MSH6: variants seen among roughly 807,000 people sequenced by gnomAD.
MSH6 encodes mutS homolog 6.
A neutral mutation model predicts 119.1 loss-of-function variants in MSH6; 85 were observed. The observed-to-expected ratio is 0.71, with a 90% CI of 0.60 to 0.85. The LOEUF is 0.85. MSH6 is among the 40% of genes least tolerant of loss of function. MSH6 has a pLI of 0.00. For missense variants in MSH6, 2,163 were observed against 1,655.3 expected, an observed-to-expected ratio of 1.31 and a Z score of -5.32; for synonymous variants, 830 against 586.9, an observed-to-expected ratio of 1.41 and a Z score of -5.99.
rs863224335 is a variant in MSH6 at position 47,806,839 on chromosome 2, G to A, written c.4062G>A (p.Leu1354=). 1 of 1,611,154 alleles carries A rather than the reference G, an allele frequency of 6.2e-7. No individual in the cohort carries two copies. Among genetic ancestry groups the A allele is most frequent in the Non-Finnish European group, 8.5e-7 (1 of 1,178,908 alleles). Residue 1354 remains leucine (L), a synonymous_variant, in exon 10 of 10, where the codon CTG becomes CTA. Transcript: ENST00000234420. The part of the protein sequence containing the change: ...TVDAEAVHKL[L]TLIKEL The stretch of plus-strand genomic sequence containing the variant: ...ATGCTGAAGCTGTCCATAAATTGCT[G>A]ACTTTGATTAAGGAATTATAGACTG...
intron 2 of MSH6, 24 bp from the exon 3 acceptor site, chr2:47,795,870 G>A (rs1229861873): frequency 2.5e-6 from 4 of 1,610,308 alleles, no homozygotes; most frequent in Non-Finnish European, 3.4e-6. Context: ...GGCCCTTATT[G>A]TTTATAAATA....
intron 2 of MSH6, among the ~76,000 whole-genome samples, chr2:47,794,340 T>C (rs1380375533): frequency 6.6e-6 from 1 of 152,032 alleles, no homozygotes; most frequent in Non-Finnish European, 1.5e-5. Flanking sequence ...GGTGCAGTCT[T>C]GGCTCACTGC....
Position 47,798,631 on chromosome 2 carries a change from A to G in MSH6, c.648A>G (p.Thr216=). ...GGCAGGTAGGCACAACTTACGTAAC[A>G]GATAAGAGTGAAGAAGATAATGAAA... ...EEMEVGTTYV[T]DKSEEDNEIE... Residue 216 remains threonine (T), a synonymous_variant, in exon 4 of 10, where the codon ACA becomes ACG. Coordinates refer to ENST00000234420, the MANE Select transcript of MSH6 (RefSeq NM_000179.3). 1 of 1,611,626 alleles carries G rather than the reference A, an allele frequency of 6.2e-7. No homozygotes were observed. The highest frequency in any genetic ancestry group is 8.5e-7 in the Non-Finnish European group (1 of 1,179,966).
Position 47,806,933 on chromosome 2 carries a change from A to G in MSH6, c.*73A>G. The stretch of plus-strand genomic sequence containing the variant: ...ATTCAGACAACATTATGATCTAATA[A>G]ACTTTATTTTTTAAAAATGACCATT... On this transcript the variant is annotated 3_prime_UTR_variant, in exon 10 of 10. Transcript: ENST00000234420. The G allele has an allele frequency of 8.7e-7, 1 of 1,146,424 alleles. No homozygotes were observed. The highest frequency in any genetic ancestry group is 1.3e-6 in the Non-Finnish European group (1 of 770,626). The allele number at this position is 1,146,424 out of a possible 1,614,324, so 71.0% of individuals were successfully genotyped here. A position where few individuals can be genotyped will look rare whatever the true frequency, so the allele number is the denominator to read the frequency against.
Position 47,806,609 on chromosome 2 carries a change from C to T in MSH6, c.3959C>T (p.Ala1320Val), listed in dbSNP as rs1670139654. ...GTTATTCAAAAGGGACATAGAAAAG[C>T]AAGAGAATTTGAGAAGATGAATCAG... Reference protein sequence around the residue: ...EEVIQKGHRKAREFEKMNQSL... With the variant: ...EEVIQKGHRKVREFEKMNQSL... Residue 1320 changes from alanine (A) to valine (V), a missense_variant, in exon 9 of 10, where the codon GCA becomes GTA. Transcript: ENST00000234420. 6.2e-7 allele frequency: 1 copy of T among 1,612,606 alleles called. No individual in the cohort carries two copies. The highest frequency in any genetic ancestry group is 8.5e-7 in the Non-Finnish European group (1 of 1,179,716).
intron 3 of MSH6, among the ~76,000 whole-genome samples, chr2:47,796,720 G>C (rs955858284): frequency 1.2e-4 from 18 of 152,216 alleles, no homozygotes; most frequent in Non-Finnish European, 1.5e-5. Flanking sequence ...CAGCACTTTA[G>C]GAAGCTGAGG....
chr2:47,797,195 G>A (rs928826736), intron 3 of MSH6, among the ~76,000 whole-genome samples: 7 of 152,156 alleles, frequency 4.6e-5, no homozygotes, highest in Non-Finnish European at 1.0e-4. Context: ...GTGTGGCCCA[G>A]GGAAGCTGAA....
Position 47,799,762 on chromosome 2 carries a change from A to T in MSH6, c.1779A>T (p.Gln593His), listed in dbSNP as rs1364713701. 1 of 1,614,244 alleles carries T rather than the reference A, an allele frequency of 6.2e-7. No homozygotes were observed. The highest frequency in any genetic ancestry group is 2.2e-5 in the East Asian group (1 of 44,886). Residue 593 changes from glutamine (Q) to histidine (H), a missense_variant, in exon 4 of 10, where the codon CAA becomes CAT. Gln to His is a conservative substitution (Grantham distance 24). Coordinates refer to ENST00000234420, the MANE Select transcript of MSH6 (RefSeq NM_000179.3). ...RTLVAHYPPV[Q>H]VLFEKGNLSK... ...TAGTGGCACACTATCCCCCAGTACA[A>T]GTTTTATTTGAAAAAGGAAATCTCT...
intron 5 of MSH6, among the ~76,000 whole-genome samples, 173 bp downstream of exon 5, chr2:47,803,858 C>T (rs1033797676): frequency 6.6e-6 from 1 of 152,170 alleles, no homozygotes; most frequent in Non-Finnish European, 1.5e-5. Flanking sequence ...TTAGCTGAAA[C>T]ATCGATGCTT....
chr2:47,791,567 C>A (rs1003609518), intron 2 of MSH6, among the ~76,000 whole-genome samples: 1 of 152,132 alleles, frequency 6.6e-6, no homozygotes, highest in South Asian at 2.1e-4. Context: ...CCATAACTTT[C>A]TTTTCCCAGA....
rs746624223 is a variant in MSH6, at chr2:47,783,334, C to T, written c.101C>T (p.Ala34Val). ...SARASREGGR[A>V]AAAPGASPSP... is the part of the protein sequence containing the mutation. ...AGGGCCTCACGCGAAGGCGGCCGTG[C>T]CGCCGCTGCCCCCGGGGCCTCTCCT... The change falls in exon 1 of 10, where the codon GCC (alanine) becomes GTC (valine). Residue 34 changes from alanine (A) to valine (V), a missense_variant. By Grantham distance (64) the Ala-to-Val change is moderately conservative. Transcript: ENST00000234420. 1 of 1,610,418 alleles carries T rather than the reference C, an allele frequency of 6.2e-7. No homozygotes were observed. The highest frequency in any genetic ancestry group is 8.5e-7 in the Non-Finnish European group (1 of 1,178,742).
chr2:47,805,799 T>TAAAC, intron 7 of MSH6, 92 bp downstream of exon 7: 3 of 969,748 alleles, frequency 3.1e-6, no homozygotes, highest in South Asian at 2.6e-5. Context: ...GAAGTACATT[T>TAAAC]AAACAATATG....
chr2:47,791,175 TGA>T (rs374618432), intron 2 of MSH6, 52 bp downstream of exon 2: 7 of 1,369,612 alleles, frequency 5.1e-6, no homozygotes, highest in East Asian at 2.3e-5. Flanking sequence ...TGTGTGTGTG[TGA>T]GAGAAACAGA....
intron 1 of MSH6, among the ~76,000 whole-genome samples, chr2:47,790,331 C>T (rs1447074465): frequency 6.6e-6 from 1 of 152,098 alleles, no homozygotes; most frequent in Non-Finnish European, 1.5e-5. Flanking sequence ...GGCTGAGACA[C>T]AAGAATCGCT....
chr2:47,797,879 G>T, intron 3 of MSH6: 1 of 233,528 alleles, frequency 4.3e-6, no homozygotes, highest in Non-Finnish European at 8.9e-6. Flanking sequence ...TCTCTTAATA[G>T]CTAGCATTCC....
rs1491155839 is a variant in MSH6 at position 47,788,906 on chromosome 2, C to CTTTTTTTTTTTT, written c.261-2021_261-2020insTTTTTTTTTTTT. Among the ~76,000 whole-genome samples the CTTTTTTTTTTTT allele has an allele frequency of 8.7e-3, 137 of 15,814 alleles. 20 individuals carry two copies. The highest frequency in any genetic ancestry group is 0.014 in the South Asian group (7 of 486). The allele number at this position is 15,814 out of a possible 152,430, so 10.4% of individuals were successfully genotyped here. A position where few individuals can be genotyped will look rare whatever the true frequency, so the allele number is the denominator to read the frequency against. Reference sequence around the variant, plus strand: ...GCTATTTCTTTCTTTCTTTCTTCTTCCTTTTTTTTTTTTTTGTTTTTTTTT... The same window carrying CTTTTTTTTTTTT: ...GCTATTTCTTTCTTTCTTTCTTCTTCTTTTTTTTTTTTCTTTTTTTTTTTTTTGTTTTTTTTT... On this transcript the variant is annotated intron_variant, in intron 1 of 9. Coordinates refer to ENST00000234420, the MANE Select transcript of MSH6 (RefSeq NM_000179.3).
chr2:47,801,032 A>G lies in MSH6; in HGVS notation c.3049A>G (p.Asn1017Asp), dbSNP rs1060502943. 6.3e-7 allele frequency: 1 copy of G among 1,584,100 alleles called. No individual in the cohort carries two copies. Among genetic ancestry groups the G allele is most frequent in the African/African-American group, 1.4e-5 (1 of 73,696 alleles). The change falls in exon 4 of 10, where the codon AAT becomes GAT. Residue 1017 changes from asparagine (N) to aspartate (D), a missense_variant. Coordinates refer to ENST00000234420, the MANE Select transcript of MSH6 (RefSeq NM_000179.3). ...WTKTIEKKLA[N>D]LINAEERRDV... is the part of the protein sequence containing the mutation. ...CAAAACTATTGAAAAGAAGTTGGCT[A>G]ATCTCATAAATGCTGAAGAACGGAG...
downstream of MSH6, chr2:47,808,100 T>A (rs751591266): frequency 4.4e-6 from 7 of 1,593,154 alleles, no homozygotes; most frequent in Middle Eastern, 1.7e-4. Flanking sequence ...GGCAGGACTT[T>A]TTCTTTAGGG....
Position 47,801,076 on chromosome 2 carries a change from C to G in MSH6, c.3093C>G (p.Asp1031Glu), listed in dbSNP as rs1177250625. 1 of 1,609,812 alleles carries G rather than the reference C, an allele frequency of 6.2e-7. No individual in the cohort carries two copies. The highest frequency in any genetic ancestry group is 8.5e-7 in the Non-Finnish European group (1 of 1,178,338). Residue 1031 changes from aspartate to glutamate, a missense_variant, in exon 4 of 10, where the codon GAC becomes GAG. By Grantham distance (45) the Asp-to-Glu change is conservative. Transcript: ENST00000234420. The stretch of plus-strand genomic sequence containing the variant: ...AACGGAGGGATGTATCATTGAAGGA[C>G]TGCATGCGGCGACTGTTCTATAACT... The part of the protein sequence containing the change: ...AEERRDVSLK[D>E]CMRRLFYNFD...
Sources: allele counts gnomAD v4.1 joint callset (sites outside exome capture counted in the v4.1 genomes callset), GRCh38; gene constraint gnomAD v4.1.1; transcripts MANE v1.5; gene names NCBI Gene and HGNC (gene_info 2026-07-23, HGNC 2026-07-21).